Variants in BTD observed in about 807,000 individuals in gnomAD.
BTD encodes the protein biocytinase.
BTD carries 13 observed loss-of-function variants against 17.7 expected under a neutral mutation model. That is an observed-to-expected ratio of 0.74 (90% CI 0.48 to 1.17). BTD has a LOEUF of 1.17. Among genes scored for constraint, BTD ranks in the 50% most tolerant of loss-of-function variants. The probability of loss-of-function intolerance (pLI) is 0.00; values close to 1 mark genes in which losing one functional copy is unlikely to be tolerated. For missense variants in BTD, 674 were observed against 650.4 expected, an observed-to-expected ratio of 1.04 and a Z score of -0.39; for synonymous variants, 240 against 245.2, an observed-to-expected ratio of 0.98 and a Z score of 0.20.
chr3:15,602,419 T>A, intron 1 of BTD: 3 of 692,396 alleles, frequency 4.3e-6, no homozygotes, highest in Non-Finnish European at 5.4e-6. Context: ...TTAGGTTGGG[T>A]CCCTACCTAC....
At chr3:15,637,112 C>T (rs1029830424) in intron 2 of BTD, among the ~76,000 whole-genome samples, 3 of 152,168 alleles carry the variant, frequency 2.0e-5, no homozygotes, top group East Asian at 3.8e-4. Flanking sequence ...CCATCTTCTC[C>T]ACCTTTGAGG....
intron 1 of BTD, among the ~76,000 whole-genome samples, chr3:15,612,687 A>AT (rs35402548): frequency 0.04 from 5,659 of 140,998 alleles, 252 homozygotes; most frequent in East Asian, 0.13. Flanking sequence ...TACATCTTTA[A>AT]TTTTTTTTTT....
chr3:15,716,329 T>C (rs1358364089), downstream of BTD, among the ~76,000 whole-genome samples: 1 of 150,528 alleles, frequency 6.6e-6, no homozygotes, highest in Non-Finnish European at 1.5e-5. Flanking sequence ...TCTTGGTCTG[T>C]CAGCCAGGCT....
At chr3:15,704,830 C>A (rs147058249) in intron 3 of BTD, among the ~76,000 whole-genome samples, 1,602 of 152,236 alleles carry the variant, frequency 0.011, 12 homozygotes, top group Middle Eastern at 0.068. Context: ...TTCCACTAGG[C>A]TCCCATGGAA....
Position 15,602,200 on chromosome 3 carries a change from T to G in BTD, c.-17+306T>G, listed in dbSNP as rs77717863. ...AGCAGATGTGTACCCCAGCAAGAGA[T>G]AAAATGACGCTCAGAGTCAGTAGAT... On this transcript the variant is annotated intron_variant, in intron 1 of 3. Transcript: ENST00000643237. 6.1e-3 allele frequency: 8,379 copies of G among 1,377,900 alleles called. 34 individuals are homozygous for G. Among genetic ancestry groups the G allele is most frequent in the Non-Finnish European group, 7.1e-3 (7,549 of 1,066,012 alleles). The allele number at this position is 1,377,900 out of a possible 1,614,324, so 85.4% of individuals were successfully genotyped here. A position where few individuals can be genotyped will look rare whatever the true frequency, so the allele number is the denominator to read the frequency against.
At chr3:15,671,653 G>A (rs1472265540) in intron 3 of BTD, among the ~76,000 whole-genome samples, 1 of 146,324 alleles carries the variant, frequency 6.8e-6, no homozygotes, top group Non-Finnish European at 1.5e-5. Context: ...GTGCAAACTT[G>A]GCTCACTGCA....
At chr3:15,695,776 A>G (rs1222116241) in intron 3 of BTD, among the ~76,000 whole-genome samples, 1 of 152,090 alleles carries the variant, frequency 6.6e-6, no homozygotes, top group Non-Finnish European at 1.5e-5. Flanking sequence ...AATTCCCTAA[A>G]TATATGGGGG....
chr3:15,721,296 C>A (rs1401499236), intron 4 of BTD, among the ~76,000 whole-genome samples: 1 of 152,110 alleles, frequency 6.6e-6, no homozygotes, highest in South Asian at 2.1e-4. Context: ...AAATAATAAA[C>A]CCTTGACAAG....
At chr3:15,705,702 T>C (rs1486182155) in intron 3 of BTD, among the ~76,000 whole-genome samples, 1 of 152,204 alleles carries the variant, frequency 6.6e-6, no homozygotes, top group Non-Finnish European at 1.5e-5. Flanking sequence ...TACTATTGCC[T>C]TTAAGATTAG....
rs1022649171 is a variant in BTD, at chr3:15,653,562, T to C, written c.*8074T>C. Reference sequence around the variant, plus strand: ...GTGACTTGTTCATCATCCAAATATATTATTTTTGTTTTGTTTGACTAAAGG... The same window carrying C: ...GTGACTTGTTCATCATCCAAATATACTATTTTTGTTTTGTTTGACTAAAGG... On this transcript the variant is annotated 3_prime_UTR_variant, in exon 4 of 4. Coordinates refer to ENST00000643237, the MANE Select transcript of BTD (RefSeq NM_001370658.1). Among the ~76,000 whole-genome samples the C allele has an allele frequency of 6.6e-6, 1 of 152,256 alleles. No homozygotes were observed. Among genetic ancestry groups the C allele is most frequent in the Admixed American group, 6.5e-5 (1 of 15,286 alleles).
At chr3:15,604,181 C>A (rs2064370266) in intron 1 of BTD, among the ~76,000 whole-genome samples, 1 of 152,250 alleles carries the variant, frequency 6.6e-6, no homozygotes, top group Non-Finnish European at 1.5e-5. Flanking sequence ...GAGGGCTCTA[C>A]CCCTGCAACA....
In BTD at chr3:15,604,513, T is replaced by C. The variant is rs141266048; in HGVS notation, c.-17+2619T>C. On this transcript the variant is annotated intron_variant, in intron 1 of 3. Coordinates refer to ENST00000643237, the MANE Select transcript of BTD (RefSeq NM_001370658.1). ...GGGCCTGTTGTGAAGGTCTCTGACATGCCCTGGAGACATTTTCCCCATTGT... is the reference window on the plus strand; with the variant it reads ...GGGCCTGTTGTGAAGGTCTCTGACACGCCCTGGAGACATTTTCCCCATTGT... 7.3e-3 allele frequency among the ~76,000 whole-genome samples: 1,106 copies of C among 152,358 alleles called. 11 individuals are homozygous for C. Among genetic ancestry groups the C allele is most frequent in the African/African-American group, 0.025 (1,053 of 41,584 alleles).
intron 3 of BTD, among the ~76,000 whole-genome samples, chr3:15,674,042 C>A (rs1472809278): frequency 6.6e-6 from 1 of 151,340 alleles, no homozygotes; most frequent in Non-Finnish European, 1.5e-5. Context: ...CCTGGTGATG[C>A]ATACTTATAG....
chr3:15,637,265 C>T (rs557341597), intron 2 of BTD, among the ~76,000 whole-genome samples: 38 of 151,988 alleles, frequency 2.5e-4, no homozygotes, highest in Non-Finnish European at 5.1e-4. Context: ...GCAGCTATCC[C>T]GATTCTGTCT....
chr3:15,655,961 T>C (rs1005040947), downstream of BTD, among the ~76,000 whole-genome samples: 2 of 151,936 alleles, frequency 1.3e-5, no homozygotes, highest in African/African-American at 4.8e-5. Context: ...TGCCACCATG[T>C]CTGGCTAATT....
intron 3 of BTD, chr3:15,685,081 T>G (rs901466671): frequency 1.5e-5 from 11 of 739,500 alleles, no homozygotes; most frequent in Non-Finnish European, 2.5e-5. Flanking sequence ...GCCTACGTAC[T>G]AAGTATTATT....
chr3:15,657,539 T>C (rs2065883193), downstream of BTD, among the ~76,000 whole-genome samples: 1 of 152,210 alleles, frequency 6.6e-6, no homozygotes, highest in Non-Finnish European at 1.5e-5. Context: ...AGTTTGTACA[T>C]GGGAAATTAA....
chr3:15,689,814 C>A, intron 3 of BTD: 3 of 546,662 alleles, frequency 5.5e-6, no homozygotes, highest in Non-Finnish European at 9.6e-6. Context: ...CACTGGGATA[C>A]TCCTAATGTT....
chr3:15,656,602 T>G (rs1559288131), downstream of BTD, among the ~76,000 whole-genome samples: 1 of 152,220 alleles, frequency 6.6e-6, no homozygotes, highest in Non-Finnish European at 1.5e-5. Context: ...GGTTTTACTT[T>G]GCGGCACTGA....
Sources: gnomAD v4.1 joint callset for allele counts (sites outside exome capture counted in the v4.1 genomes callset) on GRCh38, gnomAD v4.1.1 for gene constraint, MANE v1.5 for transcripts, NCBI Gene and HGNC (gene_info 2026-07-23, HGNC 2026-07-21) for gene names.